Variants in KIF4A observed in about 807,000 individuals in gnomAD.
KIF4A encodes kinesin family member 4A, also known as chromosome-associated kinesin KIF4A.
KIF4A carries 7 observed loss-of-function variants against 105.9 expected under a neutral mutation model. That is an observed-to-expected ratio of 0.07 (90% confidence interval 0.04 to 0.12). The LOEUF is 0.12. KIF4A is among the 10% of genes least tolerant of loss of function. The probability of loss-of-function intolerance (pLI) is 1.00; values close to 1 mark genes in which losing one functional copy is unlikely to be tolerated. For synonymous variants in KIF4A, 281 were observed against 331.3 expected (o/e 0.85, Z 1.65); for missense variants, 558 against 929.2 (o/e 0.60, Z 5.19).
intron 28 of KIF4A, among the ~76,000 whole-genome samples, chrX:70,412,776 T>A (rs1469187255): frequency 3.6e-5 from 4 of 110,113 alleles, no homozygotes; most frequent in Non-Finnish European, 7.6e-5. Flanking sequence ...TACAAAAGAT[T>A]AGCCTGGCAT....
chrX:70,382,146 G>A (rs886075414), intron 18 of KIF4A, among the ~76,000 whole-genome samples: 2 of 112,498 alleles, frequency 1.8e-5, no homozygotes, highest in African/African-American at 6.5e-5. Flanking sequence ...GTTGAAACTT[G>A]TGGCCAGGCA....
At position 70,372,396 on chromosome X, in the gene KIF4A, C is replaced by T. The variant is rs749775912; in HGVS notation, c.1675-1755C>T. Among the ~76,000 whole-genome samples, 9 of 113,080 alleles carry T rather than the reference C, an allele frequency of 8.0e-5. No individual in the cohort carries two copies. The South Asian group carries it at 3.2e-3, about 41-fold the overall frequency. On this transcript the variant is annotated intron_variant, in intron 15 of 30. Coordinates refer to ENST00000374403, the MANE Select transcript of KIF4A (RefSeq NM_012310.5). Reference sequence around the variant, plus strand: ...CAGACTCCGTCTGCAATCCCGGCACCTCGGGAGGCCGAGGCTGGCGGATCA... The same window carrying T: ...CAGACTCCGTCTGCAATCCCGGCACTTCGGGAGGCCGAGGCTGGCGGATCA...
chrX:70,331,859 T>C (rs1213647097), intron 9 of KIF4A, among the ~76,000 whole-genome samples: 1 of 111,921 alleles, frequency 8.9e-6, no homozygotes, highest in Non-Finnish European at 1.9e-5. Flanking sequence ...AGAGCAAGAG[T>C]AGATTCATGG....
At chrX:70,380,378 A>G (rs2086192786) in intron 18 of KIF4A, among the ~76,000 whole-genome samples, 1 of 112,292 alleles carries the variant, frequency 8.9e-6, no homozygotes, top group Non-Finnish European at 1.9e-5. Context: ...TGTTTAATAT[A>G]TGGAAATCAA....
intron 3 of KIF4A, among the ~76,000 whole-genome samples, chrX:70,295,683 C>A (rs2085779499): frequency 9.2e-6 from 1 of 108,924 alleles, no homozygotes; most frequent in South Asian, 4.1e-4. Context: ...TTTGGGAGGC[C>A]AAGATGGGCG....
At chrX:70,394,026 T>C (rs1290048022) in intron 20 of KIF4A, among the ~76,000 whole-genome samples, 1 of 108,617 alleles carries the variant, frequency 9.2e-6, no homozygotes, top group Non-Finnish European at 1.9e-5. Flanking sequence ...CCACTACGCC[T>C]GGCTAATTTT....
intron 13 of KIF4A, among the ~76,000 whole-genome samples, chrX:70,350,313 C>T (rs184480905): frequency 6.3e-5 from 7 of 111,740 alleles, no homozygotes; most frequent in East Asian, 2.9e-4. Context: ...GGCGAAACCC[C>T]GTCTCCACCA....
chrX:70,371,703 T>C (rs2086135452), intron 15 of KIF4A, among the ~76,000 whole-genome samples: 2 of 106,405 alleles, frequency 1.9e-5, no homozygotes, highest in African/African-American at 6.8e-5. Context: ...GGGCGGGGCC[T>C]GACCCCCCCA....
intron 7 of KIF4A, among the ~76,000 whole-genome samples, chrX:70,302,735 T>C (rs2085809403): frequency 8.9e-6 from 1 of 111,942 alleles, no homozygotes; most frequent in Non-Finnish European, 1.9e-5. Flanking sequence ...CTTCCAGATG[T>C]TGTCACATAT....
intron 22 of KIF4A, among the ~76,000 whole-genome samples, chrX:70,398,882 A>C: frequency 9.0e-6 from 1 of 111,483 alleles, no homozygotes; most frequent in East Asian, 2.8e-4. Flanking sequence ...TTTTTGCTAC[A>C]TTGGAATTTG....
chrX:70,416,714 A>C (rs1000791155), intron 28 of KIF4A, among the ~76,000 whole-genome samples: 1 of 111,865 alleles, frequency 8.9e-6, no homozygotes, highest in Non-Finnish European at 1.9e-5. Context: ...TTACAAACTT[A>C]CTTTCTACTT....
intron 3 of KIF4A, among the ~76,000 whole-genome samples, chrX:70,294,625 C>T (rs2085773790): frequency 8.9e-6 from 1 of 112,440 alleles, no homozygotes; most frequent in African/African-American, 3.2e-5. Flanking sequence ...ATACATTCCA[C>T]ATGATTGAAA....
At chrX:70,341,688 G>T (rs942968893) in intron 10 of KIF4A, 111 bp from the exon 11 acceptor site, 4 of 772,641 alleles carry the variant, frequency 5.2e-6, no homozygotes, top group Non-Finnish European at 7.2e-6. Flanking sequence ...GTATAATTTT[G>T]ACCTAATCCC....
intron 13 of KIF4A, among the ~76,000 whole-genome samples, chrX:70,350,521 G>T (rs7891362): frequency 2.0e-4 from 21 of 106,401 alleles, no homozygotes; most frequent in Admixed American, 1.3e-3. Context: ...GGGAGGGGGA[G>T]GGGGAGAGGG....
intron 15 of KIF4A, among the ~76,000 whole-genome samples, chrX:70,367,205 G>A (rs1245790741): frequency 2.7e-4 from 30 of 111,625 alleles, no homozygotes; most frequent in Middle Eastern, 4.6e-3. Context: ...TCTTTATCCA[G>A]TTTGCCAGTC....
At chrX:70,361,900 A>T (rs2086077269) in intron 15 of KIF4A, among the ~76,000 whole-genome samples, 1 of 112,314 alleles carries the variant, frequency 8.9e-6, no homozygotes, top group Non-Finnish European at 1.9e-5. Context: ...AAGCTGAGCC[A>T]TTCAGACTCT....
At chrX:70,372,162 G>C (rs2086140315) in intron 15 of KIF4A, among the ~76,000 whole-genome samples, 1 of 106,975 alleles carries the variant, frequency 9.3e-6, no homozygotes, top group Non-Finnish European at 1.9e-5. Flanking sequence ...TTCCAGACTG[G>C]GCAGCCAGGC....
chrX:70,342,544 A>G (rs978677044), intron 11 of KIF4A, among the ~76,000 whole-genome samples: 4 of 112,116 alleles, frequency 3.6e-5, no homozygotes, highest in African/African-American at 1.3e-4. Context: ...TCTAAATACA[A>G]CTCAATCTTT....
At chrX:70,375,698 TCA>T (rs2086172183) in intron 17 of KIF4A, among the ~76,000 whole-genome samples, 1 of 111,904 alleles carries the variant, frequency 8.9e-6, no homozygotes, top group Admixed American at 9.6e-5. Context: ...GAGAAAATTC[TCA>T]GTTATTGAAT....
Sources: allele counts gnomAD v4.1 joint callset (sites outside exome capture counted in the v4.1 genomes callset), GRCh38; gene constraint gnomAD v4.1.1; transcripts MANE v1.5; gene names NCBI Gene and HGNC (gene_info 2026-07-23, HGNC 2026-07-21).